Variants in STARD13 observed in about 807,000 individuals in gnomAD.
The protein encoded by STARD13 is stAR-related lipid transfer protein 13.
In STARD13, 62 loss-of-function variants were observed where a neutral mutation model predicts 106.4. The observed-to-expected ratio is 0.58, with a 90% CI of 0.48 to 0.72. STARD13 has a LOEUF of 0.72. Ranked by LOEUF, STARD13 falls within the 30% of genes least tolerant of loss-of-function variation. The pLI is 0.00. For synonymous variants in STARD13, 565 were observed against 553.0 expected (o/e 1.02, Z -0.31); for missense variants, 1,387 against 1,424.0 (o/e 0.97, Z 0.42).
At chr13:33,360,579 T>C in the STARD13 span, among the ~76,000 whole-genome samples, 1 of 125,908 alleles carries the variant, frequency 7.9e-6, no homozygotes, top group Non-Finnish European at 1.7e-5. Flanking sequence ...AGGAGAGTTA[T>C]TAGTTTTAAG....
chr13:33,315,589 A>G (rs1300844230), intron 1 of STARD13, among the ~76,000 whole-genome samples: 1 of 152,166 alleles, frequency 6.6e-6, no homozygotes, highest in Non-Finnish European at 1.5e-5. Flanking sequence ...TGAGTGAACC[A>G]ATATTTACAG....
the STARD13 span, among the ~76,000 whole-genome samples, chr13:33,571,371 A>G: frequency 6.6e-6 from 1 of 152,168 alleles, no homozygotes; most frequent in Non-Finnish European, 1.5e-5. Context: ...TTTTGAGTTT[A>G]TTTATTTTGC....
chr13:33,275,391 T>TG (rs1439681171), intron 1 of STARD13, among the ~76,000 whole-genome samples: 3 of 152,228 alleles, frequency 2.0e-5, no homozygotes, highest in African/African-American at 7.2e-5. Context: ...TGTCTTAAAT[T>TG]GAGCACTTAG....
At chr13:33,352,614 T>C (rs986234454), upstream of STARD13, among the ~76,000 whole-genome samples, 8 of 152,226 alleles carry the variant, frequency 5.3e-5, no homozygotes, top group Admixed American at 1.3e-4. Flanking sequence ...GGCCCATGAA[T>C]TGAGGACTGT....
the STARD13 span, among the ~76,000 whole-genome samples, chr13:33,424,563 T>C: frequency 6.6e-6 from 1 of 152,202 alleles, no homozygotes. Context: ...GGGTCTCCTG[T>C]GTCTGGCCTA....
At chr13:33,201,360 A>G (rs1887025555) in intron 1 of STARD13, among the ~76,000 whole-genome samples, 1 of 152,210 alleles carries the variant, frequency 6.6e-6, no homozygotes, top group Non-Finnish European at 1.5e-5. Flanking sequence ...ACATGAACCT[A>G]TTTTTGTCAG....
rs1394610282 is a variant in STARD13, at chr13:33,110,073, C to T, written c.2847G>A (p.Pro949=). 1.1e-5 allele frequency: 17 copies of T among 1,614,020 alleles called. No individual in the cohort carries two copies. The highest frequency in any genetic ancestry group is 1.4e-5 in the Non-Finnish European group (16 of 1,180,030). The stretch of plus-strand genomic sequence containing the variant: ...CCACAGAAGCCTTCCACAGCTTCAG[C>T]GGGTTCCCGTCGCCCACCTTGGGAA... ...LAFKKVGDGN[P]LKLWKASVEV... The change falls in exon 12 of 14, where the codon CCG becomes CCA. Residue 949 remains proline (P), a synonymous_variant. Coordinates refer to ENST00000336934, the MANE Select transcript of STARD13 (RefSeq NM_178006.4).
At chr13:33,301,558 CTTTTTTTTTCTTTTTTT>C (rs1413220575) in intron 1 of STARD13, among the ~76,000 whole-genome samples, 274 of 13,048 alleles carry the variant, frequency 0.021, 1 homozygote, top group Non-Finnish European at 0.069. Flanking sequence ...GTTTCTTTTT[CTTTTTTTTTCTTTTTTT>C]TTTTTTTTTT....
intron 4 of STARD13, among the ~76,000 whole-genome samples, chr13:33,139,387 GT>G: frequency 6.6e-6 from 1 of 152,206 alleles, no homozygotes; most frequent in Non-Finnish European, 1.5e-5. Flanking sequence ...ATAGTGCCTG[GT>G]GGGGAGGAAG....
intron 3 of STARD13, among the ~76,000 whole-genome samples, chr13:33,159,220 C>G (rs1882344293): frequency 6.6e-6 from 1 of 152,102 alleles, no homozygotes; most frequent in African/African-American, 2.4e-5. Flanking sequence ...GTCATGTGCT[C>G]TACAAGAGAA....
intron 9 of STARD13, 51 bp downstream of exon 9, chr13:33,112,670 G>A: frequency 7.0e-7 from 1 of 1,427,480 alleles, no homozygotes; most frequent in Non-Finnish European, 9.6e-7. Flanking sequence ...CTTATGAACT[G>A]TGGGAATGCC....
the STARD13 span, among the ~76,000 whole-genome samples, chr13:33,499,597 CTTCTTCTTTCTTCTTCTT>C: frequency 6.4e-3 from 378 of 59,506 alleles, 4 homozygotes; most frequent in Middle Eastern, 0.018. Flanking sequence ...TCTTCTTCTT[CTTCTTCTTTCTTCTTCTT>C]CTTCTTCTTC....
At chr13:33,186,471 A>C (rs1046740800) in intron 1 of STARD13, among the ~76,000 whole-genome samples, 1 of 152,216 alleles carries the variant, frequency 6.6e-6, no homozygotes, top group African/African-American at 2.4e-5. Context: ...CTTTAAGACC[A>C]TAAATACAGT....
intron 1 of STARD13, among the ~76,000 whole-genome samples, chr13:33,234,888 A>G (rs961600641): frequency 3.3e-5 from 5 of 152,194 alleles, no homozygotes; most frequent in African/African-American, 9.7e-5. Context: ...TTCCATATCC[A>G]GTTCTTCTGC....
At chr13:33,211,903 T>C (rs2138140129) in intron 1 of STARD13, among the ~76,000 whole-genome samples, 1 of 152,294 alleles carries the variant, frequency 6.6e-6, no homozygotes, top group Admixed American at 6.5e-5. Context: ...CATATGTCTA[T>C]ACATACTTGT....
intron 8 of STARD13, among the ~76,000 whole-genome samples, chr13:33,114,788 C>T (rs912115989): frequency 6.6e-5 from 10 of 152,084 alleles, no homozygotes; most frequent in Admixed American, 1.3e-4. Context: ...CCTTTCTATC[C>T]GCTTGTTCTT....
chr13:33,671,240 C>A, the STARD13 span, among the ~76,000 whole-genome samples: 1 of 152,128 alleles, frequency 6.6e-6, no homozygotes, highest in African/African-American at 2.4e-5. Flanking sequence ...ATGCAAATGT[C>A]CAACAGTTGA....
At chr13:33,227,245 T>A (rs983060249) in intron 1 of STARD13, among the ~76,000 whole-genome samples, 27 of 152,224 alleles carry the variant, frequency 1.8e-4, no homozygotes, top group Admixed American at 1.4e-3. Context: ...GTCTTTTCTA[T>A]CTTAGTTCAA....
chr13:33,576,434 A>C, the STARD13 span, among the ~76,000 whole-genome samples: 6 of 150,904 alleles, frequency 4.0e-5, no homozygotes, highest in Non-Finnish European at 8.8e-5. Context: ...AGGTCTTGCT[A>C]CATTGCCCAG....
Sources: allele counts gnomAD v4.1 joint callset (sites outside exome capture counted in the v4.1 genomes callset), GRCh38; gene constraint gnomAD v4.1.1; transcripts MANE v1.5; gene names NCBI Gene and HGNC (gene_info 2026-07-23, HGNC 2026-07-21).